The following FOXO3 variants were observed in gnomAD, a reference collection of about 807,000 sequenced individuals.
The protein encoded by FOXO3 is forkhead box protein O3.
In FOXO3, 4 loss-of-function variants were observed where a neutral mutation model predicts 41.9. The ratio of observed to expected loss-of-function variants is 0.10; its 90% CI spans 0.05 to 0.22. FOXO3 has a LOEUF of 0.22. FOXO3 is among the 10% of genes least tolerant of loss of function. The probability of loss-of-function intolerance (pLI) is 1.00; values close to 1 mark genes in which losing one functional copy is unlikely to be tolerated. For synonymous variants in FOXO3, 318 were observed against 389.3 expected, an observed-to-expected ratio of 0.82 and a Z score of 2.16; for missense variants, 534 against 906.8, an observed-to-expected ratio of 0.59 and a Z score of 5.28.
At chr6:108,659,259 T>A (rs1778778283) in intron 1 of FOXO3, among the ~76,000 whole-genome samples, 1 of 152,214 alleles carries the variant, frequency 6.6e-6, no homozygotes, top group African/African-American at 2.4e-5. Context: ...AACTATTTCA[T>A]AAACAAATTA....
chr6:108,611,977 T>G (rs1005751220), intron 1 of FOXO3, among the ~76,000 whole-genome samples: 2 of 152,182 alleles, frequency 1.3e-5, no homozygotes, highest in Non-Finnish European at 2.9e-5. Context: ...TTCTAGACCC[T>G]CTGTTCTATT....
rs1770825195 is a variant in FOXO3 at position 108,680,943 on chromosome 6, T to C, written c.*1151T>C. On this transcript the variant is annotated 3_prime_UTR_variant, in exon 3 of 3. Transcript: ENST00000406360. ...AGCCTTGCTATATAATCTGATCTGC[T>C]AGAAGTGTATGAGTGAGAGGCAATA... 1 of 152,656 alleles carries C rather than the reference T, an allele frequency of 6.6e-6. No individual in the cohort carries two copies. The highest frequency in any genetic ancestry group is 1.5e-5 in the Non-Finnish European group (1 of 68,042). The allele number at this position is 152,656 out of a possible 1,614,324, so 9.5% of individuals were successfully genotyped here.
At chr6:108,597,571 A>G (rs1457010584) in intron 1 of FOXO3, among the ~76,000 whole-genome samples, 12 of 152,208 alleles carry the variant, frequency 7.9e-5, no homozygotes, top group Admixed American at 7.9e-4. Flanking sequence ...GGCTAAATTT[A>G]AGCTGTCAAT....
At chr6:108,628,566 G>A (rs929843960) in intron 1 of FOXO3, among the ~76,000 whole-genome samples, 3 of 152,208 alleles carry the variant, frequency 2.0e-5, no homozygotes, top group Admixed American at 2.0e-4. Context: ...TTTGGGGGAG[G>A]AAGAGTGGTG....
At chr6:108,562,797 A>G (rs1775851946) in intron 1 of FOXO3, among the ~76,000 whole-genome samples, 1 of 152,030 alleles carries the variant, frequency 6.6e-6, no homozygotes, top group South Asian at 2.1e-4. Flanking sequence ...TGATGTAATG[A>G]CTTCCTGCAG....
rs150254188 is a variant in FOXO3, at chr6:108,611,264, C to T, written c.621+49435C>T. ...ATACCGGAATATTTTATCCATTCACCAGGGGATAGACATTTGGGTTGTTTC... is the reference window on the plus strand; with the variant it reads ...ATACCGGAATATTTTATCCATTCACTAGGGGATAGACATTTGGGTTGTTTC... On this transcript the variant is annotated intron_variant, in intron 1 of 2. Coordinates refer to ENST00000406360, the MANE Select transcript of FOXO3 (RefSeq NM_001455.4). Among the ~76,000 whole-genome samples, 1,317 of 152,188 alleles carry T rather than the reference C, an allele frequency of 8.7e-3. 18 individuals carry two copies. The highest frequency in any genetic ancestry group is 0.03 in the African/African-American group (1,253 of 41,514).
At chr6:108,627,165 T>C (rs1275612785) in intron 1 of FOXO3, among the ~76,000 whole-genome samples, 3 of 152,160 alleles carry the variant, frequency 2.0e-5, no homozygotes, top group Non-Finnish European at 2.9e-5. Flanking sequence ...TGTGAGACCA[T>C]TTTCAGACTG....
chr6:108,584,308 T>C (rs1776514366), intron 1 of FOXO3, among the ~76,000 whole-genome samples: 1 of 152,230 alleles, frequency 6.6e-6, no homozygotes, highest in African/African-American at 2.4e-5. Flanking sequence ...CCATCATTCA[T>C]TATTTTCACC....
rs1291854339 is a variant in FOXO3 at position 108,682,016 on chromosome 6, T to TAGG, written c.*2227_*2229dup. 5 of 152,104 alleles carry TAGG rather than the reference T, an allele frequency of 3.3e-5. No individual in the cohort carries two copies. The highest frequency in any genetic ancestry group is 7.3e-5 in the Non-Finnish European group (5 of 68,028). The allele number at this position is 152,104 out of a possible 1,614,324, so 9.4% of individuals were successfully genotyped here. A position where few individuals can be genotyped will look rare whatever the true frequency, so the allele number is the denominator to read the frequency against. On this transcript the variant is annotated 3_prime_UTR_variant, in exon 3 of 3. Transcript: ENST00000406360. ...AGCGAGATGTAAAAGGGTGGGGGGA[T>TAGG]AGGAGAATTCCAGAGTGCTTCCAGC...
chr6:108,684,468 G>A lies in FOXO3; in HGVS notation c.*4676G>A, dbSNP rs1176515630. 1.3e-5 allele frequency: 2 copies of A among 152,294 alleles called. No individual in the cohort carries two copies. Among genetic ancestry groups the A allele is most frequent in the Admixed American group, 6.5e-5 (1 of 15,286 alleles). 9.4% of individuals were successfully genotyped at this position (152,294 alleles called of 1,614,324 possible). On this transcript the variant is annotated 3_prime_UTR_variant, in exon 3 of 3. Transcript: ENST00000406360. Reference sequence around the variant, plus strand: ...TGTGGCCATATTTAAACACCTGAGAGTCAAGCAGTTGAGACTTTGATTTGA... The same window carrying A: ...TGTGGCCATATTTAAACACCTGAGAATCAAGCAGTTGAGACTTTGATTTGA...
intron 2 of FOXO3, among the ~76,000 whole-genome samples, chr6:108,669,113 A>G (rs1285749366): frequency 6.7e-6 from 1 of 149,248 alleles, no homozygotes; most frequent in Admixed American, 6.6e-5. Flanking sequence ...ACTCCGTCTC[A>G]AAAAATAAAA....
At chr6:108,661,591 A>AT (rs1200440825) in intron 1 of FOXO3, among the ~76,000 whole-genome samples, 1 of 152,202 alleles carries the variant, frequency 6.6e-6, no homozygotes, top group Non-Finnish European at 1.5e-5. Flanking sequence ...CCCTGACTTC[A>AT]TAGCATGACT....
intron 2 of FOXO3, among the ~76,000 whole-genome samples, chr6:108,672,565 T>A (rs1483244931): frequency 2.6e-5 from 4 of 152,184 alleles, no homozygotes; most frequent in Admixed American, 2.6e-4. Flanking sequence ...TAACCTATTT[T>A]TTGCTAAAAT....
At chr6:108,634,600 C>G (rs1373484703) in intron 1 of FOXO3, among the ~76,000 whole-genome samples, 1 of 151,980 alleles carries the variant, frequency 6.6e-6, no homozygotes, top group African/African-American at 2.4e-5. Context: ...TTTAGAAAGC[C>G]AACTCCAACA....
chr6:108,583,882 T>TC lies in FOXO3; in HGVS notation c.621+22054dup, dbSNP rs576818152. 4.6e-3 allele frequency among the ~76,000 whole-genome samples: 704 copies of TC among 152,388 alleles called. 2 individuals are homozygous for TC. The highest frequency in any genetic ancestry group is 0.014 in the Middle Eastern group (4 of 294). The stretch of plus-strand genomic sequence containing the variant: ...AGGTAAATAAAAATACAGCACATTT[T>TC]CTGAGTATAATTCTCGTAGACAGAG... On this transcript the variant is annotated intron_variant, in intron 1 of 2. Transcript: ENST00000406360.
intron 1 of FOXO3, among the ~76,000 whole-genome samples, chr6:108,571,149 C>T (rs2128357018): frequency 6.6e-6 from 1 of 152,262 alleles, no homozygotes; most frequent in Admixed American, 6.5e-5. Context: ...TTCACAGTTG[C>T]TCATGGGTGA....
chr6:108,593,636 C>A (rs1776791613), intron 1 of FOXO3, among the ~76,000 whole-genome samples: 2 of 151,742 alleles, frequency 1.3e-5, no homozygotes, highest in South Asian at 4.1e-4. Context: ...CCTCAGCCTC[C>A]CAAAATGCTG....
In FOXO3 at chr6:108,561,234, C is replaced by T. The variant is rs1775774326; in HGVS notation, c.26C>T (p.Ala9Val). 6.4e-7 allele frequency: 1 copy of T among 1,560,122 alleles called. No individual in the cohort carries two copies. The highest frequency in any genetic ancestry group is 8.7e-7 in the Non-Finnish European group (1 of 1,154,990). The change falls in exon 1 of 3, where the codon GCC becomes GTC. Residue 9 changes from alanine to valine, a missense_variant. This residue lies in a region of FOXO3 where 19 missense variants were observed against 26.2 expected (regional missense o/e 0.73). Transcript: ENST00000406360. MAEAPASPAPLSPLEVELD... is the reference protein window; with the variant it reads MAEAPASPVPLSPLEVELD... ...ATGGCAGAGGCACCGGCTTCCCCGG[C>T]CCCGCTCTCTCCGCTCGAAGTGGAG...
intron 1 of FOXO3, among the ~76,000 whole-genome samples, chr6:108,647,332 G>C (rs1778419878): frequency 6.6e-6 from 1 of 152,134 alleles, no homozygotes; most frequent in South Asian, 2.1e-4. Context: ...CCCAAACTGG[G>C]GTCCCTGCAT....
Sources: allele counts gnomAD v4.1 joint callset (sites outside exome capture counted in the v4.1 genomes callset), GRCh38; gene constraint gnomAD v4.1.1; regional missense constraint gnomAD v4.1.1; transcripts MANE v1.5; gene names NCBI Gene and HGNC (gene_info 2026-07-23, HGNC 2026-07-21).